Variants in CRYL1 observed in about 807,000 individuals in gnomAD.
CRYL1 encodes the protein lambda-crystallin homolog.
A neutral mutation model predicts 36.6 loss-of-function variants in CRYL1; 29 were observed. That is an observed-to-expected ratio of 0.79 (90% confidence interval 0.59 to 1.08). The LOEUF (loss-of-function observed/expected upper bound fraction) is 1.08, where lower values mean the gene tolerates loss of function less well. CRYL1 is among the 50% of genes least tolerant of loss of function. CRYL1 has a pLI of 0.00. For synonymous variants in CRYL1, 152 were observed against 151.5 expected (o/e 1.00, Z -0.02); for missense variants, 411 against 407.9 (o/e 1.01, Z -0.06).
intron 1 of CRYL1, among the ~76,000 whole-genome samples, chr13:20,519,731 G>GA (rs1244069679): frequency 6.6e-6 from 1 of 152,078 alleles, no homozygotes; most frequent in Non-Finnish European, 1.5e-5. Flanking sequence ...ACCAGAGAGG[G>GA]ATGAACAATC....
chr13:20,420,890 C>G (rs961704398), intron 5 of CRYL1, among the ~76,000 whole-genome samples: 2 of 151,692 alleles, frequency 1.3e-5, no homozygotes, highest in Non-Finnish European at 2.9e-5. Context: ...CCCGCCACCA[C>G]GCCTGGCTAA....
rs528061128 is a variant in CRYL1, at chr13:20,416,803, C to T, written c.634-3416G>A. Among the ~76,000 whole-genome samples, 7 of 152,254 alleles carry T rather than the reference C, an allele frequency of 4.6e-5. No individual in the cohort carries two copies. In the South Asian group the frequency reaches 1.5e-3, roughly 32 times the overall value. The stretch of plus-strand genomic sequence containing the variant: ...TTTTGGTTTGTATCATCTGAGCTAA[C>T]AGCCCCTAACTAACGCCTGAGAAGG... On this transcript the variant is annotated intron_variant, in intron 5 of 7. Transcript: ENST00000298248.
chr13:20,421,472 T>C (rs6490568), intron 5 of CRYL1, among the ~76,000 whole-genome samples: 56,130 of 152,004 alleles, frequency 0.37, 10,754 homozygotes, highest in Middle Eastern at 0.48. Context: ...TACCCAGAGA[T>C]GCTTCCTGCC....
intron 5 of CRYL1, among the ~76,000 whole-genome samples, chr13:20,413,779 T>G (rs2031583850): frequency 6.6e-6 from 1 of 152,206 alleles, no homozygotes; most frequent in Admixed American, 6.5e-5. Flanking sequence ...CAAAAAGTTT[T>G]GGATTTTGGA....
intron 5 of CRYL1, among the ~76,000 whole-genome samples, chr13:20,424,765 T>C (rs973775267): frequency 1.3e-5 from 2 of 152,108 alleles, no homozygotes; most frequent in African/African-American, 4.8e-5. Context: ...GAACACATCC[T>C]TTCTGGGGTG....
At chr13:20,428,287 T>C (rs2031978204) in intron 5 of CRYL1, among the ~76,000 whole-genome samples, 1 of 152,196 alleles carries the variant, frequency 6.6e-6, no homozygotes, top group African/African-American at 2.4e-5. Context: ...GCGTTCCAGA[T>C]CTCAGATTTT....
chr13:20,437,975 G>A (rs1294940677), intron 4 of CRYL1, among the ~76,000 whole-genome samples: 1 of 152,128 alleles, frequency 6.6e-6, no homozygotes, highest in African/African-American at 2.4e-5. Flanking sequence ...CCGTGGACAT[G>A]TATATGTCAC....
intron 5 of CRYL1, among the ~76,000 whole-genome samples, chr13:20,428,059 G>A (rs774530721): frequency 1.3e-4 from 20 of 152,116 alleles, no homozygotes; most frequent in South Asian, 4.1e-4. Flanking sequence ...ACCCTGGCCC[G>A]GATGGTTTCA....
At chr13:20,522,763 A>G (rs1038737108) in intron 1 of CRYL1, among the ~76,000 whole-genome samples, 1 of 152,176 alleles carries the variant, frequency 6.6e-6, no homozygotes, top group African/African-American at 2.4e-5. Context: ...CTCAAGGGCT[A>G]CAAGCTGAAT....
Position 20,512,551 on chromosome 13 carries a change from C to G in CRYL1, c.42-1G>C. 1.2e-6 allele frequency: 2 copies of G among 1,608,412 alleles called. No homozygotes were observed. Among genetic ancestry groups the G allele is most frequent in the Non-Finnish European group, 1.7e-6 (2 of 1,175,576 alleles). On this transcript the variant is annotated splice_acceptor_variant, in intron 1 of 7. Coordinates refer to ENST00000298248, the MANE Select transcript of CRYL1 (RefSeq NM_015974.3). LOFTEE classifies it high-confidence loss of function. The stretch of plus-strand genomic sequence containing the variant: ...GGCCCAGCTTCGCCCAATGACTCCA[C>G]TGAAGGGAGATAAAAGAAAGGATTC...
Position 20,489,343 on chromosome 13 carries a change from G to A in CRYL1, c.276+27C>T, listed in dbSNP as rs191083246. ...GGGAGACAATGTCTCAGGCCCCACA[G>A]ATGCGGCGCCAGTGTCCTTCACTCA... On this transcript the variant is annotated intron_variant, in intron 3 of 7. Transcript: ENST00000298248. 1.5e-4 allele frequency: 238 copies of A among 1,611,432 alleles called. No individual in the cohort carries two copies. In the African/African-American group the frequency reaches 2.9e-3, roughly 20 times the overall value.
chr13:20,452,393 T>C (rs1015712229), intron 3 of CRYL1, among the ~76,000 whole-genome samples: 1 of 152,150 alleles, frequency 6.6e-6, no homozygotes, highest in African/African-American at 2.4e-5. Flanking sequence ...GTTGCTATAT[T>C]AATATCTCAA....
intron 3 of CRYL1, among the ~76,000 whole-genome samples, chr13:20,483,768 T>G (rs1210952205): frequency 7.2e-5 from 11 of 152,128 alleles, no homozygotes; most frequent in Admixed American, 7.2e-4. Context: ...CTCGAACTCC[T>G]GAGCTCAAGT....
intron 4 of CRYL1, 79 bp downstream of exon 4, chr13:20,439,514 C>CAAAAAAAA (rs56087130): frequency 4.2e-5 from 14 of 331,828 alleles, no homozygotes; most frequent in African/African-American, 1.5e-4. Context: ...CCCTCCCCCG[C>CAAAAAAAA]AAAAAAAAAA....
chr13:20,466,682 C>CTGTGTGTGTGTGTG (rs57209647), intron 3 of CRYL1, among the ~76,000 whole-genome samples: 2,030 of 129,554 alleles, frequency 0.016, 49 homozygotes, highest in African/African-American at 0.047. Flanking sequence ...TTGGAAAACT[C>CTGTGTGTGTGTGTG]TGTGTGTGTG....
chr13:20,508,491 TA>T (rs1176825149), intron 2 of CRYL1, among the ~76,000 whole-genome samples: 2 of 152,180 alleles, frequency 1.3e-5, no homozygotes, highest in African/African-American at 4.8e-5. Context: ...TATTGCTCCC[TA>T]AATCACCTCC....
Position 20,477,308 on chromosome 13 carries a change from G to A in CRYL1, c.276+12062C>T, listed in dbSNP as rs2033186252. 2.0e-5 allele frequency among the ~76,000 whole-genome samples: 3 copies of A among 152,150 alleles called. No homozygotes were observed. The South Asian group carries it at 6.2e-4, about 32-fold the overall frequency. On this transcript the variant is annotated intron_variant, in intron 3 of 7. Transcript: ENST00000298248. ...ACACAGCTACATTCCAACCTGGGCAGCAGAGCAAGACCTTGACTCTAAAAA... is the reference window on the plus strand; with the variant it reads ...ACACAGCTACATTCCAACCTGGGCAACAGAGCAAGACCTTGACTCTAAAAA...
At position 20,425,367 on chromosome 13, in the gene CRYL1, G is replaced by A. The variant is rs1055668126; in HGVS notation, c.633+6735C>T. ...TGATTCTCTTCCAGAGTCGACATCT[G>A]AATAACCGTCAGTGAGCCTGCCTTG... On this transcript the variant is annotated intron_variant, in intron 5 of 7. Coordinates refer to ENST00000298248, the MANE Select transcript of CRYL1 (RefSeq NM_015974.3). The surrounding 1 kb of genome is among the most constrained non-coding windows in gnomAD (Gnocchi z 4.4). 2.0e-5 allele frequency among the ~76,000 whole-genome samples: 3 copies of A among 152,194 alleles called. No homozygotes were observed. Among genetic ancestry groups the A allele is most frequent in the Non-Finnish European group, 2.9e-5 (2 of 68,050 alleles).
chr13:20,467,558 A>C (rs1330293387), intron 3 of CRYL1, among the ~76,000 whole-genome samples: 2 of 152,192 alleles, frequency 1.3e-5, no homozygotes, highest in Non-Finnish European at 2.9e-5. Flanking sequence ...GTGGTAGCTC[A>C]TGCCTGTCAT....
Sources: gnomAD v4.1 joint callset for allele counts (sites outside exome capture counted in the v4.1 genomes callset) on GRCh38, gnomAD v4.1.1 for gene constraint, Gnocchi (gnomAD v3.1) non-coding constraint, MANE v1.5 for transcripts, NCBI Gene and HGNC (gene_info 2026-07-23, HGNC 2026-07-21) for gene names.